Variants in ROBO1 observed in about 807,000 individuals in gnomAD.
ROBO1 encodes the protein roundabout homolog 1.
Under a neutral mutation model 195.9 loss-of-function variants are expected in ROBO1, and 149 were observed. The observed-to-expected ratio is 0.76, with a 90% CI of 0.67 to 0.87. The LOEUF is 0.87. Ranked by LOEUF, ROBO1 falls within the 40% of genes least tolerant of loss-of-function variation. ROBO1 has a pLI of 0.00. For synonymous variants in ROBO1, 816 were observed against 733.2 expected (o/e 1.11, Z -1.82); for missense variants, 1,933 against 2,068.3 (o/e 0.93, Z 1.27).
chr3:78,973,574 G>T (rs2076819343), intron 3 of ROBO1, among the ~76,000 whole-genome samples: 1 of 101,288 alleles, frequency 9.9e-6, no homozygotes, highest in Admixed American at 9.8e-5. Flanking sequence ...CATATATGAA[G>T]CTATATATAT....
Position 78,604,906 on chromosome 3 carries a change from G to C in ROBO1, c.4744+1827C>G, listed in dbSNP as rs138435337. 1.2e-3 allele frequency among the ~76,000 whole-genome samples: 179 copies of C among 152,088 alleles called. 1 individual carries two copies. Among genetic ancestry groups the C allele is most frequent in the African/African-American group, 4.1e-3 (170 of 41,472 alleles). On this transcript the variant is annotated intron_variant, in intron 29 of 30. Coordinates refer to ENST00000464233, the MANE Select transcript of ROBO1 (RefSeq NM_002941.4). ...TTCTTGTGTTTCTTCCTCCTACATG[G>C]TTTCTTCTCTTTAGTCTATAATAAT...
At chr3:79,687,507 G>A (rs1382320219) in intron 1 of ROBO1, among the ~76,000 whole-genome samples, 1 of 152,062 alleles carries the variant, frequency 6.6e-6, no homozygotes, top group Non-Finnish European at 1.5e-5. Flanking sequence ...AATCTACAAT[G>A]AACTCAAACA....
At chr3:79,191,504 T>C (rs1027662312) in intron 2 of ROBO1, among the ~76,000 whole-genome samples, 6 of 151,404 alleles carry the variant, frequency 4.0e-5, no homozygotes, top group Non-Finnish European at 8.9e-5. Flanking sequence ...TTGCAGTAGG[T>C]AATTAACTGT....
intron 1 of ROBO1, among the ~76,000 whole-genome samples, chr3:79,609,663 T>C (rs1476918311): frequency 1.3e-5 from 2 of 151,816 alleles, no homozygotes; most frequent in Non-Finnish European, 1.5e-5. Context: ...TGGAGTATCG[T>C]TCAGCCTTAA....
chr3:78,948,835 A>G (rs1307219739), intron 3 of ROBO1, among the ~76,000 whole-genome samples: 1 of 152,218 alleles, frequency 6.6e-6, no homozygotes, highest in African/African-American at 2.4e-5. Flanking sequence ...AAATCAATGT[A>G]CAAAAATCAC....
intron 3 of ROBO1, among the ~76,000 whole-genome samples, chr3:79,008,399 G>A (rs1173933098): frequency 6.6e-6 from 1 of 151,518 alleles, no homozygotes; most frequent in Non-Finnish European, 1.5e-5. Context: ...AGTTTACTGG[G>A]GAATAAATAA....
At chr3:79,294,057 CAAAAAAAAAAAAA>C (rs71631641) in intron 2 of ROBO1, among the ~76,000 whole-genome samples, 5 of 29,058 alleles carry the variant, frequency 1.7e-4, no homozygotes, top group Non-Finnish European at 3.4e-4. Flanking sequence ...GACTCCATCT[CAAAAAAAAAAAAA>C]AAAAAAAAAA....
intron 1 of ROBO1, among the ~76,000 whole-genome samples, chr3:79,701,619 A>C (rs1441265338): frequency 6.6e-6 from 1 of 151,766 alleles, no homozygotes; most frequent in East Asian, 1.9e-4. Context: ...TACAGATGAA[A>C]AAACAAAACT....
chr3:79,550,209 A>AG (rs1942452863), intron 2 of ROBO1, among the ~76,000 whole-genome samples: 1 of 139,592 alleles, frequency 7.2e-6, no homozygotes, highest in Non-Finnish European at 1.5e-5. Flanking sequence ...AAGAAAAGAA[A>AG]AGAAAAGAAA....
At chr3:79,116,859 G>T (rs976740293) in intron 3 of ROBO1, among the ~76,000 whole-genome samples, 3 of 152,054 alleles carry the variant, frequency 2.0e-5, no homozygotes, top group African/African-American at 7.2e-5. Flanking sequence ...CTACTACAAT[G>T]TAAATGCCAT....
intron 2 of ROBO1, among the ~76,000 whole-genome samples, chr3:79,539,453 G>A (rs1186330130): frequency 7.9e-5 from 12 of 151,972 alleles, no homozygotes; most frequent in Admixed American, 2.6e-4. Flanking sequence ...ATTATGAAAT[G>A]ACTTATATAA....
intron 3 of ROBO1, among the ~76,000 whole-genome samples, chr3:79,107,554 A>G (rs916619236): frequency 6.6e-6 from 1 of 151,718 alleles, no homozygotes; most frequent in Admixed American, 6.6e-5. Context: ...ATTCTTTTTA[A>G]GTAGAATTTG....
intron 2 of ROBO1, among the ~76,000 whole-genome samples, chr3:79,376,356 A>G (rs905694672): frequency 3.3e-5 from 5 of 152,168 alleles, no homozygotes; most frequent in African/African-American, 1.2e-4. Context: ...TGTTTTATGA[A>G]TAATTCTAAT....
chr3:79,569,834 C>G (rs765703029), intron 2 of ROBO1, among the ~76,000 whole-genome samples: 11 of 151,972 alleles, frequency 7.2e-5, no homozygotes, highest in Non-Finnish European at 8.8e-5. Flanking sequence ...CACGGTGGCT[C>G]ACTTCTGTAA....
chr3:78,998,007 C>A (rs1320342498), intron 3 of ROBO1, among the ~76,000 whole-genome samples: 1 of 152,192 alleles, frequency 6.6e-6, no homozygotes, highest in Admixed American at 6.6e-5. Context: ...TCTTCCCACT[C>A]TGAGATTCAG....
intron 3 of ROBO1, among the ~76,000 whole-genome samples, chr3:78,982,253 G>C (rs1251918254): frequency 6.6e-6 from 1 of 152,076 alleles, no homozygotes; most frequent in Non-Finnish European, 1.5e-5. Flanking sequence ...ATGAAGAGGG[G>C]TATATAAGTA....
At chr3:79,166,568 T>TTTTTA (rs1553693453) in intron 2 of ROBO1, among the ~76,000 whole-genome samples, 6 of 147,430 alleles carry the variant, frequency 4.1e-5, no homozygotes, top group Admixed American at 2.7e-4. Context: ...TTCTTTTTTT[T>TTTTTA]TTTTTTTTTA....
chr3:79,657,518 A>G (rs886717022), intron 1 of ROBO1, among the ~76,000 whole-genome samples: 6 of 152,104 alleles, frequency 3.9e-5, no homozygotes, highest in Non-Finnish European at 5.9e-5. Context: ...ATCAACAAAT[A>G]AAAGTTTCAT....
chr3:79,550,449 G>A (rs760921880), intron 2 of ROBO1, among the ~76,000 whole-genome samples: 1 of 152,116 alleles, frequency 6.6e-6, no homozygotes, highest in Non-Finnish European at 1.5e-5. Context: ...AGCATGCGAT[G>A]CACTTTAGTA....
Sources: allele counts gnomAD v4.1 joint callset (sites outside exome capture counted in the v4.1 genomes callset), GRCh38; gene constraint gnomAD v4.1.1; transcripts MANE v1.5; gene names NCBI Gene and HGNC (gene_info 2026-07-23, HGNC 2026-07-21).